Variants in ROBO1 observed in about 807,000 individuals in gnomAD.
The protein encoded by ROBO1 is roundabout guidance receptor 1.
A neutral mutation model predicts 195.9 loss-of-function variants in ROBO1; 149 were observed. That is an observed-to-expected ratio of 0.76 (90% CI 0.67 to 0.87). ROBO1 has a LOEUF of 0.87. Ranked by LOEUF, ROBO1 falls within the 40% of genes least tolerant of loss-of-function variation. The pLI is 0.00. For synonymous variants in ROBO1, 816 were observed against 733.2 expected, an observed-to-expected ratio of 1.11 and a Z score of -1.82; for missense variants, 1,933 against 2,068.3, an observed-to-expected ratio of 0.93 and a Z score of 1.27.
chr3:78,967,884 T>C (rs941856128), intron 3 of ROBO1, among the ~76,000 whole-genome samples: 11 of 152,138 alleles, frequency 7.2e-5, no homozygotes, highest in African/African-American at 2.4e-4. Flanking sequence ...ATTTTCAAAC[T>C]GGCTATATAG....
intron 3 of ROBO1, among the ~76,000 whole-genome samples, chr3:79,122,206 G>C (rs1411509567): frequency 6.6e-6 from 1 of 151,866 alleles, no homozygotes; most frequent in Non-Finnish European, 1.5e-5. Context: ...TGCAACAAAG[G>C]CTATATGCCG....
intron 2 of ROBO1, among the ~76,000 whole-genome samples, chr3:79,381,569 G>A (rs1219207815): frequency 1.3e-5 from 2 of 151,722 alleles, no homozygotes; most frequent in East Asian, 1.9e-4. Context: ...CATATATTGA[G>A]CTGCCACCTC....
intron 2 of ROBO1, among the ~76,000 whole-genome samples, chr3:79,261,630 A>C (rs985537755): frequency 6.6e-6 from 1 of 151,934 alleles, no homozygotes; most frequent in Non-Finnish European, 1.5e-5. Context: ...CCCCCACCAA[A>C]TGTAGTAGGC....
intron 1 of ROBO1, among the ~76,000 whole-genome samples, chr3:79,633,215 C>A (rs1164408234): frequency 1.4e-5 from 2 of 146,612 alleles, no homozygotes; most frequent in African/African-American, 5.0e-5. Flanking sequence ...CTCACTCTGT[C>A]ATCTAGGCTG....
intron 2 of ROBO1, among the ~76,000 whole-genome samples, chr3:79,492,381 C>T (rs939815171): frequency 2.2e-5 from 3 of 138,402 alleles, no homozygotes; most frequent in Non-Finnish European, 3.0e-5. Flanking sequence ...GCTGAGATAG[C>T]GCCATTGCAC....
intron 8 of ROBO1, among the ~76,000 whole-genome samples, chr3:78,703,916 C>G (rs2081482867): frequency 6.6e-6 from 1 of 152,050 alleles, no homozygotes; most frequent in African/African-American, 2.4e-5. Flanking sequence ...TGCCATATGT[C>G]ATTAAGAATC....
intron 2 of ROBO1, among the ~76,000 whole-genome samples, chr3:79,423,169 A>G (rs750793435): frequency 6.6e-6 from 1 of 152,138 alleles, no homozygotes; most frequent in Non-Finnish European, 1.5e-5. Context: ...AGAGTATATA[A>G]AAAAATGTTA....
chr3:79,337,142 G>A (rs1174110457), intron 2 of ROBO1, among the ~76,000 whole-genome samples: 1 of 152,168 alleles, frequency 6.6e-6, no homozygotes, highest in Non-Finnish European at 1.5e-5. Flanking sequence ...CCTTGTCTCA[G>A]ATGAGACTTT....
chr3:79,591,767 A>C (rs2107825561), intron 1 of ROBO1, among the ~76,000 whole-genome samples: 1 of 151,932 alleles, frequency 6.6e-6, no homozygotes, highest in East Asian at 2.0e-4. Context: ...CTCCAGAGAA[A>C]ATGTATAAGT....
At chr3:79,376,594 T>C (rs2036393915) in intron 2 of ROBO1, among the ~76,000 whole-genome samples, 1 of 152,088 alleles carries the variant, frequency 6.6e-6, no homozygotes, top group Admixed American at 6.5e-5. Flanking sequence ...ATGGTTTTAT[T>C]TCCCTGAACA....
chr3:79,372,702 G>A (rs921637899), intron 2 of ROBO1, among the ~76,000 whole-genome samples: 1 of 152,094 alleles, frequency 6.6e-6, no homozygotes, highest in Non-Finnish European at 1.5e-5. Context: ...ACCAAAAACT[G>A]AATTTACCAG....
At chr3:79,211,129 T>A (rs1023717043) in intron 2 of ROBO1, among the ~76,000 whole-genome samples, 1 of 152,082 alleles carries the variant, frequency 6.6e-6, no homozygotes, top group Non-Finnish European at 1.5e-5. Context: ...CTAAACATAA[T>A]AATTAAAGAA....
chr3:78,929,969 C>T (rs1048469677), intron 4 of ROBO1, among the ~76,000 whole-genome samples: 2 of 152,118 alleles, frequency 1.3e-5, no homozygotes, highest in Non-Finnish European at 2.9e-5. Context: ...TTTGGCTTCT[C>T]GTATTACTGG....
intron 1 of ROBO1, among the ~76,000 whole-genome samples, chr3:79,711,511 TTAAAA>T (rs1344585128): frequency 4.6e-5 from 7 of 152,108 alleles, no homozygotes; most frequent in Admixed American, 1.3e-4. Flanking sequence ...TAGAAAAGAA[TTAAAA>T]TAGAAAAGTA....
At chr3:78,704,145 C>T (rs1379737999) in intron 8 of ROBO1, among the ~76,000 whole-genome samples, 1 of 152,132 alleles carries the variant, frequency 6.6e-6, no homozygotes, top group African/African-American at 2.4e-5. Flanking sequence ...TTAGTTTTGG[C>T]TTTGACTCAA....
At chr3:79,744,263 C>T (rs910545427) in intron 1 of ROBO1, among the ~76,000 whole-genome samples, 1 of 152,104 alleles carries the variant, frequency 6.6e-6, no homozygotes, top group African/African-American at 2.4e-5. Context: ...TATGGTCCAT[C>T]ACTGACTGAA....
At chr3:79,297,212 CTG>C (rs1227593287) in intron 2 of ROBO1, among the ~76,000 whole-genome samples, 3 of 152,088 alleles carry the variant, frequency 2.0e-5, no homozygotes, top group African/African-American at 7.2e-5. Context: ...TCAAAATAAA[CTG>C]TTGGAAATAT....
intron 3 of ROBO1, among the ~76,000 whole-genome samples, chr3:79,123,953 G>T (rs1021152464): frequency 6.6e-6 from 1 of 151,692 alleles, no homozygotes; most frequent in Non-Finnish European, 1.5e-5. Context: ...ATAATTTTTG[G>T]GAAATCCACA....
At position 79,100,509 on chromosome 3, in the gene ROBO1, G is replaced by C. The variant is rs143485143; in HGVS notation, c.172+24947C>G. On this transcript the variant is annotated intron_variant, in intron 3 of 30. Coordinates refer to ENST00000464233, the MANE Select transcript of ROBO1 (RefSeq NM_002941.4). ...GACACAATAGCCAGCCCAAGAGCAC[G>C]GGAATCAATTAAAAAAAACTGCAAA... 9.0e-4 allele frequency among the ~76,000 whole-genome samples: 137 copies of C among 151,734 alleles called. 2 individuals carry two copies. Among genetic ancestry groups the C allele is most frequent in the Non-Finnish European group, 6.2e-4 (42 of 67,788 alleles).
Sources: gnomAD v4.1 joint callset for allele counts (sites outside exome capture counted in the v4.1 genomes callset) on GRCh38, gnomAD v4.1.1 for gene constraint, MANE v1.5 for transcripts, NCBI Gene and HGNC (gene_info 2026-07-23, HGNC 2026-07-21) for gene names.